The following FAAH2 variants were observed in gnomAD, a reference collection of about 807,000 sequenced individuals.
The protein encoded by FAAH2 is fatty acid amide hydrolase 2.
FAAH2 carries 60 observed loss-of-function variants against 36.9 expected under a neutral mutation model. The observed-to-expected ratio is 1.63, with a 90% CI of 1.32 to 2.02. The LOEUF (loss-of-function observed/expected upper bound fraction) is 2.02, where lower values mean the gene tolerates loss of function less well. Among genes scored for constraint, FAAH2 ranks in the 30% most tolerant of loss-of-function variants. The pLI is 0.00. For synonymous variants in FAAH2, 214 were observed against 143.8 expected, an observed-to-expected ratio of 1.49 and a Z score of -3.49; for missense variants, 689 against 397.5, an observed-to-expected ratio of 1.73 and a Z score of -6.23.
intron 8 of FAAH2, among the ~76,000 whole-genome samples, chrX:57,437,082 C>T (rs982418004): frequency 9.0e-6 from 1 of 111,101 alleles, no homozygotes; most frequent in Non-Finnish European, 1.9e-5. Context: ...TTAACATATA[C>T]AAATCAATAA....
intron 7 of FAAH2, among the ~76,000 whole-genome samples, chrX:57,430,546 C>T (rs1353730082): frequency 9.0e-6 from 1 of 111,268 alleles, no homozygotes; most frequent in Non-Finnish European, 1.9e-5. Context: ...TTCAATTGAC[C>T]TAGGACTCCT....
At chrX:57,345,693 T>C (rs961558038) in intron 5 of FAAH2, among the ~76,000 whole-genome samples, 3 of 111,579 alleles carry the variant, frequency 2.7e-5, no homozygotes, top group African/African-American at 9.8e-5. Context: ...CAATTTATTT[T>C]CTAGTTCCTT....
chrX:57,438,211 CTA>C (rs755805658), intron 8 of FAAH2, among the ~76,000 whole-genome samples: 3 of 96,470 alleles, frequency 3.1e-5, no homozygotes, highest in Admixed American at 1.2e-4. Flanking sequence ...ATCTATATCA[CTA>C]TATATATATC....
chrX:57,288,766 A>T (rs1356063239), intron 1 of FAAH2, among the ~76,000 whole-genome samples: 2 of 111,194 alleles, frequency 1.8e-5, no homozygotes, highest in Admixed American at 9.6e-5. Flanking sequence ...TATATGTAAA[A>T]CTTATAGAAT....
chrX:57,346,902 G>T (rs1010337279), intron 5 of FAAH2, among the ~76,000 whole-genome samples: 5 of 111,253 alleles, frequency 4.5e-5, no homozygotes, highest in Non-Finnish European at 9.4e-5. Context: ...CGTGTCTTCT[G>T]CCTTTAAAGG....
upstream of FAAH2, among the ~76,000 whole-genome samples, chrX:57,284,298 C>T (rs913028349): frequency 9.0e-6 from 1 of 111,145 alleles, no homozygotes; most frequent in Non-Finnish European, 1.9e-5. Context: ...CACTTGAACC[C>T]GGGAGGCAAA....
intron 7 of FAAH2, among the ~76,000 whole-genome samples, chrX:57,428,945 A>G (rs1247059545): frequency 9.0e-6 from 1 of 111,692 alleles, no homozygotes; most frequent in Non-Finnish European, 1.9e-5. Context: ...TAAACAGACA[A>G]CGTGCAGAAT....
the FAAH2 span, among the ~76,000 whole-genome samples, chrX:57,234,548 T>G: frequency 8.9e-6 from 1 of 111,911 alleles, no homozygotes; most frequent in Admixed American, 9.5e-5. Flanking sequence ...TGCCTGAGCT[T>G]CTTTTCCTGC....
the FAAH2 span, among the ~76,000 whole-genome samples, chrX:57,169,350 A>G: frequency 1.0e-5 from 1 of 99,859 alleles, no homozygotes; most frequent in East Asian, 3.4e-4. Flanking sequence ...TCACCCTAAA[A>G]ATTGCCCTAT....
the FAAH2 span, among the ~76,000 whole-genome samples, chrX:57,192,024 T>C: frequency 7.1e-5 from 8 of 112,030 alleles, no homozygotes; most frequent in African/African-American, 2.3e-4. Flanking sequence ...CATTGTTATT[T>C]TGATGGGGAT....
the FAAH2 span, among the ~76,000 whole-genome samples, chrX:57,216,633 T>TATACG: frequency 2.1e-5 from 2 of 93,133 alleles, no homozygotes; most frequent in Admixed American, 2.5e-4. Context: ...CGTATATATA[T>TATACG]ATACGTATAT....
the FAAH2 span, among the ~76,000 whole-genome samples, chrX:57,149,619 T>G: frequency 1.8e-5 from 2 of 111,763 alleles, no homozygotes; most frequent in Non-Finnish European, 3.8e-5. Context: ...TTTGTCATTT[T>G]TTATTGCATC....
intron 2 of FAAH2, among the ~76,000 whole-genome samples, chrX:57,303,846 G>T (rs1428470009): frequency 8.9e-6 from 1 of 111,756 alleles, no homozygotes; most frequent in Non-Finnish European, 1.9e-5. Flanking sequence ...TTATTTTTCT[G>T]AATCCTTACC....
chrX:57,243,476 A>T, the FAAH2 span, among the ~76,000 whole-genome samples: 1 of 112,076 alleles, frequency 8.9e-6, no homozygotes, highest in African/African-American at 3.2e-5. Context: ...GAAGGAGTCA[A>T]CAGACACCTC....
intron 7 of FAAH2, among the ~76,000 whole-genome samples, chrX:57,428,237 A>G (rs2056209353): frequency 2.7e-5 from 3 of 112,248 alleles, no homozygotes; most frequent in Admixed American, 1.9e-4. Flanking sequence ...GATTAAAGGA[A>G]TTTGAGATGA....
rs1219532061 is a variant in FAAH2, at chrX:57,466,152, C to CTATA, written c.1423+17435_1423+17436insATAT. Among the ~76,000 whole-genome samples, 237 of 66,801 alleles carry CTATA rather than the reference C, an allele frequency of 3.5e-3. 3 individuals are homozygous for CTATA. The highest frequency in any genetic ancestry group is 0.013 in the African/African-American group (202 of 16,065). The allele number at this position is 66,801 out of a possible 115,157, so 58.0% of individuals were successfully genotyped here. On this transcript the variant is annotated intron_variant, in intron 10 of 10. Coordinates refer to ENST00000374900, the MANE Select transcript of FAAH2 (RefSeq NM_174912.4). The stretch of plus-strand genomic sequence containing the variant: ...TATCTCTCTCTCTCTCTCTCTCTCT[C>CTATA]TCTCTATATATATATATATATATAT...
the FAAH2 span, among the ~76,000 whole-genome samples, chrX:57,250,889 C>A: frequency 9.0e-6 from 1 of 111,375 alleles, no homozygotes; most frequent in East Asian, 2.8e-4. Context: ...CAAATAGAAT[C>A]CCAGGACCTG....
At chrX:57,295,070 G>T (rs780901542) in intron 2 of FAAH2, among the ~76,000 whole-genome samples, 1 of 112,107 alleles carries the variant, frequency 8.9e-6, no homozygotes, top group East Asian at 2.8e-4. Flanking sequence ...GGAAATGCCT[G>T]CAGAGCTGGG....
At chrX:57,412,175 C>A (rs1168276822) in intron 7 of FAAH2, among the ~76,000 whole-genome samples, 2 of 111,347 alleles carry the variant, frequency 1.8e-5, no homozygotes, top group African/African-American at 6.5e-5. Context: ...ACTATAGTCA[C>A]CTTATTGTGA....
Sources: allele counts gnomAD v4.1 joint callset (sites outside exome capture counted in the v4.1 genomes callset), GRCh38; gene constraint gnomAD v4.1.1; transcripts MANE v1.5; gene names NCBI Gene and HGNC (gene_info 2026-07-23, HGNC 2026-07-21).